The following PLA2G4F variants were observed in gnomAD, a reference collection of about 807,000 sequenced individuals.
PLA2G4F encodes phospholipase A2 group IVF, also known as cytosolic phospholipase A2 zeta.
Under a neutral mutation model 103.1 loss-of-function variants are expected in PLA2G4F, and 105 were observed. The observed-to-expected ratio is 1.02, with a 90% CI of 0.87 to 1.20. The LOEUF is 1.20. Among genes scored for constraint, PLA2G4F ranks in the 50% most tolerant of loss-of-function variants. The pLI is 0.00. For missense variants in PLA2G4F, 1,155 were observed against 1,075.9 expected (o/e 1.07, Z -1.03); for synonymous variants, 468 against 441.1 (o/e 1.06, Z -0.76).
rs774307537 is a variant in PLA2G4F, at chr15:42,149,772, C to T, written c.1000G>A (p.Val334Ile). Residue 334 changes from valine (V) to isoleucine (I), a missense_variant, in exon 11 of 20, where the codon GTC becomes ATC. Transcript: ENST00000397272. ...EQEFLDRRKQVVSKALQQVLG... is the reference protein window; with the variant it reads ...EQEFLDRRKQIVSKALQQVLG... ...ACTTGCTGCAGGGCCTTGGACACGACCTGCTTCCTCCTGTCCAGAAACTCC... is the reference window on the plus strand; with the variant it reads ...ACTTGCTGCAGGGCCTTGGACACGATCTGCTTCCTCCTGTCCAGAAACTCC... 1 of 1,614,240 alleles carries T rather than the reference C, an allele frequency of 6.2e-7. No individual in the cohort carries two copies. The highest frequency in any genetic ancestry group is 1.7e-5 in the Admixed American group (1 of 60,028).
chr15:42,156,636 T>C lies in PLA2G4F; in HGVS notation c.-87A>G, dbSNP rs146042506. On this transcript the variant is annotated 5_prime_UTR_variant, in exon 1 of 20. Coordinates refer to ENST00000397272, the MANE Select transcript of PLA2G4F (RefSeq NM_213600.4). ...CTGGCTCAGGTGTGACAGGCAGCAC[T>C]GAGTTGGGAGGGTGGAGCTGCCTGC... 3,767 of 943,576 alleles carry C rather than the reference T, an allele frequency of 4.0e-3. 17 individuals are homozygous for C. Among genetic ancestry groups the C allele is most frequent in the Middle Eastern group, 0.019 (60 of 3,190 alleles). 58.5% of individuals were successfully genotyped at this position (943,576 alleles called of 1,614,324 possible). A position where few individuals can be genotyped will look rare whatever the true frequency, so the allele number is the denominator to read the frequency against.
At position 42,144,023 on chromosome 15, in the gene PLA2G4F, C is replaced by T; in HGVS notation, c.2097G>A (p.Val699=). The stretch of plus-strand genomic sequence containing the variant: ...AATAGTCAAAGGACAGAATGAGGTC[C>T]ACTGCTCTCTGAGGCAGCAGAGCCA... The part of the protein sequence containing the change: ...FPLALLPQRA[V]DLILSFDYSL... The change falls in exon 18 of 20, where the codon GTG becomes GTA. Residue 699 remains valine, a synonymous_variant. Transcript: ENST00000397272. 1 of 1,613,824 alleles carries T rather than the reference C, an allele frequency of 6.2e-7. No individual in the cohort carries two copies. Among genetic ancestry groups the T allele is most frequent in the South Asian group, 1.1e-5 (1 of 91,020 alleles).
intron 5 of PLA2G4F, 67 bp downstream of exon 5, chr15:42,153,553 G>A: frequency 6.3e-7 from 1 of 1,591,370 alleles, no homozygotes; most frequent in South Asian, 1.1e-5. Context: ...CATGGTGACT[G>A]GCACCTAGGA....
At chr15:42,149,914 G>A (rs1290767421) in intron 10 of PLA2G4F, 66 bp from the exon 11 acceptor site, 85 of 1,579,318 alleles carry the variant, frequency 5.4e-5, no homozygotes, top group Middle Eastern at 1.7e-4. Context: ...GGAGAGCCTT[G>A]GGCCCAGCCC....
At position 42,142,718 on chromosome 15, in the gene PLA2G4F, A is replaced by T; in HGVS notation, c.2143-4T>A. 1 of 1,613,770 alleles carries T rather than the reference A, an allele frequency of 6.2e-7. No homozygotes were observed. The highest frequency in any genetic ancestry group is 8.5e-7 in the Non-Finnish European group (1 of 1,179,938). On this transcript the variant is annotated splice_polypyrimidine_tract_variant and splice_region_variant and intron_variant, in intron 18 of 19. Transcript: ENST00000397272. ...ACTTCTCTGTCATCTTCAAGACCTGAGCAGGAGCAAGCCTCTGACTCTGCC... is the reference window on the plus strand; with the variant it reads ...ACTTCTCTGTCATCTTCAAGACCTGTGCAGGAGCAAGCCTCTGACTCTGCC...
chr15:42,144,326 A>C, intron 17 of PLA2G4F, 124 bp downstream of exon 17: 1 of 1,430,312 alleles, frequency 7.0e-7, no homozygotes, highest in Non-Finnish European at 9.5e-7. Context: ...GTCGCTCCGC[A>C]TCAGCCCATA....
At chr15:42,151,813 C>T (rs1300363832) in intron 7 of PLA2G4F, among the ~76,000 whole-genome samples, 1 of 152,240 alleles carries the variant, frequency 6.6e-6, no homozygotes, top group African/African-American at 2.4e-5. Flanking sequence ...GGCTCTACTA[C>T]TTACTGGCTG....
intron 7 of PLA2G4F, 176 bp from the exon 8 acceptor site, chr15:42,150,953 C>T: frequency 1.0e-6 from 1 of 985,444 alleles, no homozygotes; most frequent in Non-Finnish European, 1.2e-6. Context: ...TGGAAGGACT[C>T]TTGGGTCCTC....
intron 8 of PLA2G4F, 23 bp downstream of exon 8, chr15:42,150,585 G>C (rs745569918): frequency 6.3e-7 from 1 of 1,596,764 alleles, no homozygotes; most frequent in Non-Finnish European, 8.5e-7. Flanking sequence ...TGGATCTACC[G>C]ACCATCCTGG....
rs1049753678 is a variant in PLA2G4F, at chr15:42,141,609, C to G, written c.*375G>C. ...AGGAGGACAGCTGGCTTCTCAGTGC[C>G]CTCAGCCCCTGTTCTGTGTGGGTCT... On this transcript the variant is annotated 3_prime_UTR_variant, in exon 20 of 20. Coordinates refer to ENST00000397272, the MANE Select transcript of PLA2G4F (RefSeq NM_213600.4). The G allele has an allele frequency of 1.5e-5, 7 of 473,558 alleles. No homozygotes were observed. Among genetic ancestry groups the G allele is most frequent in the South Asian group, 1.1e-4 (7 of 64,704 alleles). 29.3% of individuals were successfully genotyped at this position (473,558 alleles called of 1,614,324 possible). A position where few individuals can be genotyped will look rare whatever the true frequency, so the allele number is the denominator to read the frequency against.
chr15:42,154,421 G>A lies in PLA2G4F; in HGVS notation c.222C>T (p.Pro74=). 6.2e-7 allele frequency: 1 copy of A among 1,608,324 alleles called. No homozygotes were observed. The highest frequency in any genetic ancestry group is 8.5e-7 in the Non-Finnish European group (1 of 1,176,170). The change falls in exon 3 of 20, where the codon CCC becomes CCT. Residue 74 remains proline (P), a synonymous_variant. Transcript: ENST00000397272. ...TCTGGGCAGGGCTTGGGGACGCCGT[G>A]GGCAGCCACAGTTGCACATAGCAGT... The part of the protein sequence containing the change: ...KADCYVQLWL[P]TASPSPAQTR...
chr15:42,147,594 T>C (rs754702702), intron 12 of PLA2G4F, 32 bp downstream of exon 12: 10 of 1,610,886 alleles, frequency 6.2e-6, no homozygotes, highest in Non-Finnish European at 8.5e-6. Flanking sequence ...TGGGGTCTCC[T>C]TTACCCTGTG....
chr15:42,143,334 C>CT (rs1451297154), intron 18 of PLA2G4F, among the ~76,000 whole-genome samples: 1 of 152,196 alleles, frequency 6.6e-6, no homozygotes, highest in Non-Finnish European at 1.5e-5. Context: ...TCTCTCACCC[C>CT]TCTCTGCTCC....
In PLA2G4F at chr15:42,141,560, A is replaced by T. The variant is rs537781209; in HGVS notation, c.*424T>A. 2.0e-4 allele frequency: 93 copies of T among 458,140 alleles called. No homozygotes were observed. Among genetic ancestry groups the T allele is most frequent in the African/African-American group, 1.7e-3 (84 of 50,050 alleles). The allele number at this position is 458,140 out of a possible 1,614,324, so 28.4% of individuals were successfully genotyped here. On this transcript the variant is annotated 3_prime_UTR_variant, in exon 20 of 20. Coordinates refer to ENST00000397272, the MANE Select transcript of PLA2G4F (RefSeq NM_213600.4). The stretch of plus-strand genomic sequence containing the variant: ...CTCTGCAGGAAGTGTGGATGGATGC[A>T]TCTCTGCTTTCCATCTCAGTGTAAG...
chr15:42,151,180 T>G (rs990188459), intron 7 of PLA2G4F: 1 of 985,168 alleles, frequency 1.0e-6, no homozygotes, highest in Non-Finnish European at 1.2e-6. Flanking sequence ...TGTTGGAGGT[T>G]TGTGGCCCAA....
intron 7 of PLA2G4F, among the ~76,000 whole-genome samples, chr15:42,152,352 G>A (rs1189621905): frequency 6.6e-6 from 1 of 152,220 alleles, no homozygotes; most frequent in Non-Finnish European, 1.5e-5. Flanking sequence ...GTCACAGGAG[G>A]CAGAGGAGAG....
chr15:42,155,419 C>T (rs951786039), intron 2 of PLA2G4F, 98 bp downstream of exon 2: 71 of 1,283,740 alleles, frequency 5.5e-5, no homozygotes, highest in Middle Eastern at 1.8e-4. Context: ...CCCATGTATA[C>T]TCTTACACAC....
intron 14 of PLA2G4F, 85 bp downstream of exon 14, chr15:42,146,042 C>T: frequency 6.3e-7 from 1 of 1,580,550 alleles, no homozygotes; most frequent in Non-Finnish European, 8.7e-7. Context: ...GCAACCACCT[C>T]CTCTGGGTAC....
chr15:42,151,207 T>C, intron 7 of PLA2G4F: 1 of 985,464 alleles, frequency 1.0e-6, no homozygotes, highest in East Asian at 1.1e-4. Context: ...ACCAGTAGGC[T>C]GCAAGTTGTT....
Sources: gnomAD v4.1 joint callset for allele counts (sites outside exome capture counted in the v4.1 genomes callset) on GRCh38, gnomAD v4.1.1 for gene constraint, MANE v1.5 for transcripts, NCBI Gene and HGNC (gene_info 2026-07-23, HGNC 2026-07-21) for gene names.